The following RSPH14 variants were observed in gnomAD, a reference collection of about 807,000 sequenced individuals.
RSPH14 encodes rhabdoid tumor deletion region gene 1.
In RSPH14, 20 loss-of-function variants were observed where a neutral mutation model predicts 26.7. That is an observed-to-expected ratio of 0.75 (90% CI 0.53 to 1.09). The LOEUF (loss-of-function observed/expected upper bound fraction) is 1.09. RSPH14 is among the 50% of genes least tolerant of loss of function. The pLI is 0.00. For missense variants in RSPH14, 449 were observed against 457.2 expected (o/e 0.98, Z 0.16); for synonymous variants, 177 against 189.3 (o/e 0.93, Z 0.53).
rs143839657 is a variant in RSPH14, at chr22:23,096,005, G to T, written c.422-31872C>A. 150 of 1,607,998 alleles carry T rather than the reference G, an allele frequency of 9.3e-5. No individual in the cohort carries two copies. In the African/African-American group the frequency reaches 1.7e-3, roughly 18 times the overall value. On this transcript the variant is annotated intron_variant, in intron 4 of 6. Transcript: ENST00000216036. ...CCACAACCCCGACCGCGCCTACGAC[G>T]CTGTGCAGCTCTTTGCGCTGACGGG... is the stretch of plus-strand genomic sequence containing the variant.
At chr22:23,180,591 C>CG in the RSPH14 span, 36 of 27,554 alleles carry the variant, frequency 1.3e-3, no homozygotes, top group African/African-American at 8.3e-3. Context: ...GCGGCGGCGG[C>CG]ACGGCGGCGG....
the RSPH14 span, chr22:23,161,963 A>T: frequency 5.4e-6 from 1 of 183,664 alleles, no homozygotes; most frequent in Non-Finnish European, 1.1e-5. Flanking sequence ...ACTCTTTCCC[A>T]GCGATCTTGG....
At chr22:23,168,718 C>T in the RSPH14 span, among the ~76,000 whole-genome samples, 1 of 152,166 alleles carries the variant, frequency 6.6e-6, no homozygotes, top group African/African-American at 2.4e-5. Flanking sequence ...TTTGTCCAGG[C>T]ACCCCCTCAG....
At chr22:23,139,087 T>C in intron 2 of RSPH14, 145 bp from the exon 3 acceptor site, 1 of 633,022 alleles carries the variant, frequency 1.6e-6, no homozygotes, top group Non-Finnish European at 2.8e-6. Context: ...GGGAATCATG[T>C]TGGTTATGCA....
At chr22:23,109,454 G>A (rs568616706) in intron 4 of RSPH14, among the ~76,000 whole-genome samples, 27 of 152,318 alleles carry the variant, frequency 1.8e-4, no homozygotes, top group Admixed American at 3.9e-4. Flanking sequence ...GGGAGAAAGG[G>A]AGTCAGACAG....
At chr22:23,159,096 G>T in the RSPH14 span, 2 of 1,590,508 alleles carry the variant, frequency 1.3e-6, no homozygotes, top group Non-Finnish European at 1.7e-6. Context: ...GCAGGCAGCT[G>T]CCTATCCCCC....
chr22:23,084,561 C>T (rs2068765943), intron 4 of RSPH14, among the ~76,000 whole-genome samples: 1 of 152,240 alleles, frequency 6.6e-6, no homozygotes, highest in Non-Finnish European at 1.5e-5. Flanking sequence ...CAGACAGCCA[C>T]ACTGGCCAGG....
Position 23,059,635 on chromosome 22 carries a change from C to A in RSPH14, c.874G>T (p.Ala292Ser), listed in dbSNP as rs752504789. The change falls in exon 7 of 7, where the codon GCC becomes TCC. Residue 292 changes from alanine (A) to serine (S), a missense_variant. Ala to Ser is a moderately conservative substitution (Grantham distance 99). Coordinates refer to ENST00000216036, the MANE Select transcript of RSPH14 (RefSeq NM_014433.3). ...GCCAGCATGGTAAGGGCCTTGGTGG[C>A]ATTCAGGCGCGCTATGGTCATGGGG... ...HSPMTIARLN[A>S]TKALTMLAEA... 6.8e-6 allele frequency: 11 copies of A among 1,608,338 alleles called. No individual in the cohort carries two copies. In the East Asian group the frequency reaches 2.5e-4, roughly 36 times the overall value.
intron 1 of RSPH14, among the ~76,000 whole-genome samples, chr22:23,141,121 G>A (rs5996471): frequency 2.5e-4 from 38 of 152,270 alleles, no homozygotes; most frequent in African/African-American, 8.9e-4. Context: ...ACAAGGTCAA[G>A]AGATCGAGAC....
At chr22:23,114,703 T>G (rs1041528511) in intron 4 of RSPH14, among the ~76,000 whole-genome samples, 1 of 152,152 alleles carries the variant, frequency 6.6e-6, no homozygotes. Flanking sequence ...TCTGTGTGTG[T>G]GTGGTTATTT....
chr22:23,087,660 G>A (rs191519749), intron 4 of RSPH14, among the ~76,000 whole-genome samples: 2 of 152,150 alleles, frequency 1.3e-5, no homozygotes, highest in African/African-American at 4.8e-5. Context: ...CTTGGTGGAT[G>A]GGGGGTAGCC....
upstream of RSPH14, among the ~76,000 whole-genome samples, chr22:23,145,782 C>T (rs1431695209): frequency 3.9e-5 from 6 of 152,246 alleles, no homozygotes; most frequent in Non-Finnish European, 8.8e-5. Flanking sequence ...AACCGGACTC[C>T]GCCAGGACCA....
At chr22:23,165,955 G>T in the RSPH14 span, among the ~76,000 whole-genome samples, 7 of 152,020 alleles carry the variant, frequency 4.6e-5, no homozygotes, top group Non-Finnish European at 7.4e-5. Flanking sequence ...GACCATCCTG[G>T]CTAACATGGT....
intron 1 of RSPH14, among the ~76,000 whole-genome samples, chr22:23,141,560 G>A (rs2070601833): frequency 6.6e-6 from 1 of 152,190 alleles, no homozygotes; most frequent in Non-Finnish European, 1.5e-5. Flanking sequence ...ATACACGTAA[G>A]CCTGGCATAC....
Position 23,111,101 on chromosome 22 carries a change from G to A in RSPH14, c.421+22925C>T, listed in dbSNP as rs558012792. 1.8e-4 allele frequency among the ~76,000 whole-genome samples: 27 copies of A among 152,308 alleles called. No individual in the cohort carries two copies. In the East Asian group the frequency reaches 4.6e-3, roughly 26 times the overall value. On this transcript the variant is annotated intron_variant, in intron 4 of 6. Transcript: ENST00000216036. ...GGGCCTGCGCGCCTTCCCTGTGAGC[G>A]TGAGCAGGAATGACTCATGCCTCCT... is the stretch of plus-strand genomic sequence containing the variant.
the RSPH14 span, among the ~76,000 whole-genome samples, chr22:23,157,814 C>T: frequency 1.3e-5 from 2 of 152,332 alleles, no homozygotes; most frequent in South Asian, 2.1e-4. Flanking sequence ...TGGAGGGTCC[C>T]GGTGGGGGAC....
the RSPH14 span, among the ~76,000 whole-genome samples, chr22:23,151,063 A>C: frequency 6.6e-6 from 1 of 152,258 alleles, no homozygotes; most frequent in Non-Finnish European, 1.5e-5. Flanking sequence ...TAAGGAGCTC[A>C]TAGTCTGCTC....
At chr22:23,134,734 C>T (rs2070433640) in intron 3 of RSPH14, among the ~76,000 whole-genome samples, 1 of 151,794 alleles carries the variant, frequency 6.6e-6, no homozygotes, top group African/African-American at 2.4e-5. Flanking sequence ...AGCTTGGTGG[C>T]ACATGCCTGT....
the RSPH14 span, chr22:23,152,461 G>A: frequency 1.7e-5 from 28 of 1,614,124 alleles, 1 homozygote; most frequent in Non-Finnish European, 2.4e-5. Flanking sequence ...TTTCTCACAG[G>A]CTCAAACTCT....
Sources: allele counts gnomAD v4.1 joint callset (sites outside exome capture counted in the v4.1 genomes callset), GRCh38; gene constraint gnomAD v4.1.1; transcripts MANE v1.5; gene names NCBI Gene and HGNC (gene_info 2026-07-23, HGNC 2026-07-21).